The following MICU1 variants were observed in gnomAD, a reference collection of about 807,000 sequenced individuals.
MICU1 encodes mitochondrial calcium uptake 1, also known as calcium uptake protein 1, mitochondrial.
In MICU1, 45 loss-of-function variants were observed where a neutral mutation model predicts 56.8. The observed-to-expected ratio is 0.79, with a 90% CI of 0.62 to 1.02. The LOEUF is 1.02. Among genes scored for constraint, MICU1 ranks in the 50% least tolerant of loss-of-function variants. MICU1 has a pLI of 0.00. For synonymous variants in MICU1, 186 were observed against 195.1 expected (o/e 0.95, Z 0.39); for missense variants, 504 against 587.1 (o/e 0.86, Z 1.46).
intron 10 of MICU1, among the ~76,000 whole-genome samples, chr10:72,405,753 C>A (rs577320737): frequency 2.0e-5 from 3 of 151,986 alleles, no homozygotes; most frequent in African/African-American, 7.2e-5. Flanking sequence ...AGCCATATGA[C>A]CATTTCAATA....
chr10:72,452,759 C>G (rs748054501), intron 8 of MICU1, among the ~76,000 whole-genome samples: 1 of 151,950 alleles, frequency 6.6e-6, no homozygotes, highest in Non-Finnish European at 1.5e-5. Context: ...CTAGGCAATG[C>G]ATACTGTATT....
chr10:72,375,973 C>A lies in MICU1; in HGVS notation c.1181-101G>T, dbSNP rs1862506431. The A allele has an allele frequency of 3.7e-6, 4 of 1,082,342 alleles. No individual in the cohort carries two copies. In the Admixed American group the frequency reaches 9.2e-5, roughly 25 times the overall value. 67.0% of individuals were successfully genotyped at this position (1,082,342 alleles called of 1,614,324 possible). The stretch of plus-strand genomic sequence containing the variant: ...ACTCAGTCATAATACAAGTTTTCAA[C>A]TGCATTTAAGTCACATTTAAGAAAA... On this transcript the variant is annotated intron_variant, in intron 10 of 11. Coordinates refer to ENST00000361114, the MANE Select transcript of MICU1 (RefSeq NM_001195518.2).
chr10:72,443,089 T>G (rs1369096124), intron 8 of MICU1, among the ~76,000 whole-genome samples: 6 of 152,192 alleles, frequency 3.9e-5, no homozygotes, highest in African/African-American at 1.4e-4. Flanking sequence ...GTTTTCTCAT[T>G]GTGGTTTTGA....
intron 1 of MICU1, among the ~76,000 whole-genome samples, chr10:72,589,175 G>A (rs986851728): frequency 8.6e-5 from 13 of 151,992 alleles, no homozygotes; most frequent in African/African-American, 3.1e-4. Flanking sequence ...TGTAATCCCA[G>A]CTACTCAGGA....
chr10:72,593,629 T>C (rs571552420), intron 1 of MICU1, among the ~76,000 whole-genome samples: 1 of 152,090 alleles, frequency 6.6e-6, no homozygotes, highest in African/African-American at 2.4e-5. Flanking sequence ...ATCCTAAAGA[T>C]TGCACCAAAA....
At chr10:72,465,506 T>C (rs1865768720) in intron 8 of MICU1, among the ~76,000 whole-genome samples, 3 of 25,498 alleles carry the variant, frequency 1.2e-4, no homozygotes, top group Non-Finnish European at 3.8e-4. Flanking sequence ...TTCAGGTCTT[T>C]TTTTTTTTTT....
intron 8 of MICU1, among the ~76,000 whole-genome samples, chr10:72,473,933 C>T (rs947857602): frequency 1.3e-5 from 2 of 151,792 alleles, no homozygotes; most frequent in African/African-American, 4.8e-5. Context: ...TTTGAAATTC[C>T]AAATAATATT....
intron 5 of MICU1, among the ~76,000 whole-genome samples, chr10:72,509,627 C>T (rs1564910027): frequency 6.6e-6 from 1 of 152,158 alleles, no homozygotes; most frequent in African/African-American, 2.4e-5. Context: ...GTTTTGATGG[C>T]GCTTCTACTT....
intron 6 of MICU1, among the ~76,000 whole-genome samples, chr10:72,488,621 G>A (rs1866551218): frequency 6.6e-6 from 1 of 152,160 alleles, no homozygotes; most frequent in Non-Finnish European, 1.5e-5. Flanking sequence ...GTTATAAAAT[G>A]CATATGTAAC....
intron 5 of MICU1, among the ~76,000 whole-genome samples, chr10:72,514,483 C>A (rs888352183): frequency 1.3e-5 from 2 of 152,088 alleles, no homozygotes; most frequent in Non-Finnish European, 2.9e-5. Flanking sequence ...TTTGTTGTTG[C>A]TACTTACTGT....
chr10:72,371,006 G>T (rs1359254950), intron 11 of MICU1, among the ~76,000 whole-genome samples: 2 of 151,976 alleles, frequency 1.3e-5, no homozygotes, highest in African/African-American at 2.4e-5. Context: ...ACTCCAGCCT[G>T]GGTGACAGAG....
At chr10:72,550,121 T>C (rs1340442901) in intron 4 of MICU1, among the ~76,000 whole-genome samples, 1 of 152,170 alleles carries the variant, frequency 6.6e-6, no homozygotes, top group African/African-American at 2.4e-5. Flanking sequence ...AGTACAACTA[T>C]TTTATTTTTA....
Position 72,551,311 on chromosome 10 carries a change from A to G in MICU1, c.361T>C (p.Tyr121His). 6.2e-7 allele frequency: 1 copy of G among 1,612,304 alleles called. No homozygotes were observed. Among genetic ancestry groups the G allele is most frequent in the Non-Finnish European group, 8.5e-7 (1 of 1,179,198 alleles). Residue 121 changes from tyrosine to histidine, a missense_variant, in exon 4 of 12, where the codon TAC becomes CAC. Physicochemically the swap from Tyr to His is moderately conservative, Grantham distance 83 (BLOSUM62 2). Coordinates refer to ENST00000361114, the MANE Select transcript of MICU1 (RefSeq NM_001195518.2). ...CGGAAGATTTTGTCTGGCGTGGAGT[A>G]GGCTCGAATCCTATTCTCATATTCC... ...VMEYENRIRA[Y>H]STPDKIFRYF...
At chr10:72,537,914 T>G (rs762590048) in intron 4 of MICU1, among the ~76,000 whole-genome samples, 1 of 152,048 alleles carries the variant, frequency 6.6e-6, no homozygotes, top group Non-Finnish European at 1.5e-5. Flanking sequence ...GAATCAAATA[T>G]GTCATTTCAA....
At position 72,566,039 on chromosome 10, in the gene MICU1, CTTTTTTT is replaced by C. The variant is rs11376019; in HGVS notation, c.161+587_161+593del. On this transcript the variant is annotated intron_variant, in intron 2 of 11. Transcript: ENST00000361114. ...TGAAGTCTCAGAAAGCATTCATTTTCTTTTTTTTTTTTTTTTTTTTTTTGGAGACAGT... is the reference window on the plus strand; with the variant it reads ...TGAAGTCTCAGAAAGCATTCATTTTCTTTTTTTTTTTTTTTTGGAGACAGT... Among the ~76,000 whole-genome samples, 207 of 69,832 alleles carry C rather than the reference CTTTTTTT, an allele frequency of 3.0e-3. 1 individual carries two copies. The highest frequency in any genetic ancestry group is 0.01 in the African/African-American group (183 of 17,928). 45.8% of individuals were successfully genotyped at this position (69,832 alleles called of 152,430 possible).
intron 10 of MICU1, among the ~76,000 whole-genome samples, chr10:72,406,248 A>G (rs1173912084): frequency 6.6e-6 from 1 of 152,120 alleles, no homozygotes; most frequent in Non-Finnish European, 1.5e-5. Flanking sequence ...GAAAACCATA[A>G]AATACTTAAG....
chr10:72,526,094 T>C (rs545125377), intron 5 of MICU1, among the ~76,000 whole-genome samples: 10 of 152,078 alleles, frequency 6.6e-5, no homozygotes, highest in Non-Finnish European at 1.3e-4. Context: ...TTTTTTAGGG[T>C]TATGGTATAT....
At chr10:72,452,462 T>C (rs983223420) in intron 8 of MICU1, among the ~76,000 whole-genome samples, 1 of 152,218 alleles carries the variant, frequency 6.6e-6, no homozygotes, top group Admixed American at 6.5e-5. Flanking sequence ...AAATGACATA[T>C]TCTTCTGTCA....
intron 2 of MICU1, among the ~76,000 whole-genome samples, chr10:72,564,704 C>T (rs934439195): frequency 6.6e-6 from 1 of 151,832 alleles, no homozygotes; most frequent in Non-Finnish European, 1.5e-5. Context: ...ACCTGAGGTG[C>T]CTGGAATTGG....
Sources: allele counts gnomAD v4.1 joint callset (sites outside exome capture counted in the v4.1 genomes callset), GRCh38; gene constraint gnomAD v4.1.1; transcripts MANE v1.5; gene names NCBI Gene and HGNC (gene_info 2026-07-23, HGNC 2026-07-21).